RBMS3: variants seen among roughly 807,000 people sequenced by gnomAD.
The protein encoded by RBMS3 is RNA-binding motif, single-stranded-interacting protein 3.
A neutral mutation model predicts 66.8 loss-of-function variants in RBMS3; 27 were observed. The observed-to-expected ratio is 0.40, with a 90% CI of 0.30 to 0.56. The LOEUF is 0.56. Ranked by LOEUF, RBMS3 falls within the 20% of genes least tolerant of loss-of-function variation. The probability of loss-of-function intolerance (pLI) is 0.40; values close to 1 mark genes in which losing one functional copy is unlikely to be tolerated. For missense variants in RBMS3, 513 were observed against 549.5 expected (o/e 0.93, Z 0.66); for synonymous variants, 188 against 183.0 (o/e 1.03, Z -0.22).
chr3:29,941,052 A>G (rs1446201253), intron 11 of RBMS3, among the ~76,000 whole-genome samples: 2 of 151,878 alleles, frequency 1.3e-5, no homozygotes, highest in Admixed American at 6.6e-5. Flanking sequence ...CCAGTGGCTT[A>G]CAATGTCACC....
At chr3:29,335,491 C>T (rs76958110) in intron 1 of RBMS3, among the ~76,000 whole-genome samples, 15,652 of 152,238 alleles carry the variant, frequency 0.1, 1,048 homozygotes, top group Non-Finnish European at 0.16. Flanking sequence ...TTTCAAGGGT[C>T]TAAAAGGGAA....
intron 6 of RBMS3, among the ~76,000 whole-genome samples, chr3:29,822,012 T>C (rs1167533802): frequency 6.6e-6 from 1 of 152,202 alleles, no homozygotes; most frequent in Non-Finnish European, 1.5e-5. Flanking sequence ...TCATCATATG[T>C]TCATTAATTG....
At chr3:29,807,227 C>T (rs1246469807) in intron 6 of RBMS3, among the ~76,000 whole-genome samples, 1 of 151,872 alleles carries the variant, frequency 6.6e-6, no homozygotes, top group African/African-American at 2.4e-5. Context: ...TGCAACATGA[C>T]AAAAATGTCA....
chr3:29,842,789 G>T (rs2058693323), intron 6 of RBMS3, among the ~76,000 whole-genome samples: 1 of 152,196 alleles, frequency 6.6e-6, no homozygotes, highest in Non-Finnish European at 1.5e-5. Flanking sequence ...TAGATGTGAT[G>T]ATGAAAAGAG....
At chr3:29,728,807 C>T (rs1377645497) in intron 4 of RBMS3, among the ~76,000 whole-genome samples, 2 of 151,882 alleles carry the variant, frequency 1.3e-5, no homozygotes, top group Admixed American at 6.6e-5. Flanking sequence ...TTTTTAAGTG[C>T]CAATGTAGAG....
In RBMS3 at chr3:30,004,116, A is replaced by G. The variant is rs140349600; in HGVS notation, c.*254A>G. 537 of 328,280 alleles carry G rather than the reference A, an allele frequency of 1.6e-3. No individual in the cohort carries two copies. The highest frequency in any genetic ancestry group is 2.5e-3 in the Non-Finnish European group (449 of 182,166). 20.3% of individuals were successfully genotyped at this position (328,280 alleles called of 1,614,324 possible). Reference sequence around the variant, plus strand: ...AAAGAAAAAATTTCCAGAAGAGGAAAAAAAAACTACAAAAAACAAAACATT... The same window carrying G: ...AAAGAAAAAATTTCCAGAAGAGGAAGAAAAAACTACAAAAAACAAAACATT... On this transcript the variant is annotated 3_prime_UTR_variant, in exon 15 of 15. Coordinates refer to ENST00000383767, the MANE Select transcript of RBMS3 (RefSeq NM_001003793.3).
chr3:29,570,886 T>A (rs2046928404), intron 3 of RBMS3, among the ~76,000 whole-genome samples: 1 of 152,172 alleles, frequency 6.6e-6, no homozygotes, highest in Non-Finnish European at 1.5e-5. Context: ...TTTTTAGTTT[T>A]TTCAGAAATC....
At chr3:29,968,338 C>A (rs1304298560) in intron 12 of RBMS3, among the ~76,000 whole-genome samples, 1 of 152,146 alleles carries the variant, frequency 6.6e-6, no homozygotes, top group Non-Finnish European at 1.5e-5. Flanking sequence ...AGATTCATGC[C>A]CTCCCCTGAG....
chr3:29,430,684 T>C (rs2041149514), intron 1 of RBMS3, among the ~76,000 whole-genome samples: 1 of 152,236 alleles, frequency 6.6e-6, no homozygotes, highest in Non-Finnish European at 1.5e-5. Flanking sequence ...TGCTTTCTTA[T>C]TTGATTAGTC....
intron 1 of RBMS3, chr3:29,390,981 C>A: frequency 3.5e-6 from 1 of 283,794 alleles, no homozygotes; most frequent in Non-Finnish European, 7.9e-6. Flanking sequence ...TAGACAAAAG[C>A]CACGCCCATC....
intron 5 of RBMS3, among the ~76,000 whole-genome samples, chr3:29,760,004 AG>A: frequency 6.6e-6 from 1 of 152,084 alleles, no homozygotes; most frequent in East Asian, 1.9e-4. Context: ...ACATTCACTT[AG>A]TTAAATCTGA....
At chr3:29,561,546 T>C (rs2046556137) in intron 3 of RBMS3, among the ~76,000 whole-genome samples, 1 of 152,064 alleles carries the variant, frequency 6.6e-6, no homozygotes, top group Non-Finnish European at 1.5e-5. Context: ...TCTGCCTCAT[T>C]GGTTCGAGCA....
At chr3:29,566,788 T>C (rs1053679405) in intron 3 of RBMS3, among the ~76,000 whole-genome samples, 1 of 152,124 alleles carries the variant, frequency 6.6e-6, no homozygotes, top group Non-Finnish European at 1.5e-5. Flanking sequence ...ACAAATGGAA[T>C]TTGGGGGATG....
At chr3:29,719,003 T>C (rs2053526525) in intron 4 of RBMS3, among the ~76,000 whole-genome samples, 1 of 152,180 alleles carries the variant, frequency 6.6e-6, no homozygotes, top group South Asian at 2.1e-4. Flanking sequence ...TGTGAACATA[T>C]AGGTATGCTA....
intron 10 of RBMS3, among the ~76,000 whole-genome samples, chr3:29,930,641 A>T (rs1178886169): frequency 1.3e-5 from 2 of 152,098 alleles, no homozygotes; most frequent in African/African-American, 2.4e-5. Context: ...GGCAGTTATG[A>T]TAACCAAAAA....
chr3:29,420,066 A>G (rs769153420), intron 1 of RBMS3, among the ~76,000 whole-genome samples: 4 of 152,188 alleles, frequency 2.6e-5, no homozygotes, highest in African/African-American at 9.7e-5. Flanking sequence ...GTAGACCCTG[A>G]GCATTTGTAA....
chr3:29,474,622 C>A (rs1301168059), intron 2 of RBMS3, among the ~76,000 whole-genome samples: 4 of 152,208 alleles, frequency 2.6e-5, no homozygotes, highest in Non-Finnish European at 5.9e-5. Flanking sequence ...ACAAGGAAGG[C>A]ACAATTTATG....
At chr3:29,446,524 A>G (rs1692260393) in intron 2 of RBMS3, among the ~76,000 whole-genome samples, 1 of 152,168 alleles carries the variant, frequency 6.6e-6, no homozygotes, top group Non-Finnish European at 1.5e-5. Flanking sequence ...ATTTTACAAT[A>G]TGAATATTCA....
chr3:29,653,934 T>C (rs2050231630), intron 4 of RBMS3, among the ~76,000 whole-genome samples: 2 of 152,202 alleles, frequency 1.3e-5, no homozygotes, highest in South Asian at 4.1e-4. Context: ...TTTCCGTGTC[T>C]TCATAAACCT....
Sources: gnomAD v4.1 joint callset for allele counts (sites outside exome capture counted in the v4.1 genomes callset) on GRCh38, gnomAD v4.1.1 for gene constraint, MANE v1.5 for transcripts, NCBI Gene and HGNC (gene_info 2026-07-23, HGNC 2026-07-21) for gene names.